Variants in PIGF observed in about 807,000 individuals in gnomAD.
PIGF encodes phosphatidylinositol glycan anchor biosynthesis class F, also known as GPI ethanolamine phosphate transferase, stabilizing subunit.
PIGF carries 23 observed loss-of-function variants against 26.0 expected under a neutral mutation model. That is an observed-to-expected ratio of 0.88 (90% CI 0.64 to 1.25). The LOEUF (loss-of-function observed/expected upper bound fraction) is 1.25. Among genes scored for constraint, PIGF ranks in the 50% most tolerant of loss-of-function variants. The pLI, the probability that PIGF is intolerant of heterozygous loss-of-function variation, is 0.00. For missense variants in PIGF, 278 were observed against 249.9 expected, an observed-to-expected ratio of 1.11 and a Z score of -0.76; for synonymous variants, 93 against 92.6, an observed-to-expected ratio of 1.00 and a Z score of -0.03.
At chr2:46,609,788 C>T (rs1670348185) in intron 4 of PIGF, among the ~76,000 whole-genome samples, 1 of 152,090 alleles carries the variant, frequency 6.6e-6, no homozygotes, top group African/African-American at 2.4e-5. Flanking sequence ...AGATCGTCAT[C>T]TTATATGGGT....
intron 4 of PIGF, among the ~76,000 whole-genome samples, chr2:46,610,943 T>A (rs1356754076): frequency 6.6e-6 from 1 of 152,230 alleles, no homozygotes; most frequent in African/African-American, 2.4e-5. Context: ...AAAAATACCC[T>A]GTTCATTTCA....
At position 46,581,442 on chromosome 2, in the gene PIGF, A is replaced by G; in HGVS notation, c.*36T>C. ...ATACACATTTCTGCCCAGCCCTTAC[A>G]GAATCTGCACAAAGAAATATCTCCC... is the stretch of plus-strand genomic sequence containing the variant. On this transcript the variant is annotated 3_prime_UTR_variant, in exon 6 of 6. Transcript: ENST00000281382. 1.9e-6 allele frequency: 3 copies of G among 1,599,196 alleles called. No homozygotes were observed. The highest frequency in any genetic ancestry group is 1.1e-5 in the South Asian group (1 of 89,406).
At chr2:46,607,862 T>G (rs1315149973) in intron 4 of PIGF, among the ~76,000 whole-genome samples, 2 of 152,096 alleles carry the variant, frequency 1.3e-5, no homozygotes, top group Admixed American at 6.6e-5. Flanking sequence ...GCCCAGCTAA[T>G]TTTTCTTGTA....
chr2:46,613,811 G>C, intron 2 of PIGF, 26 bp from the exon 3 acceptor site: 4 of 1,504,134 alleles, frequency 2.7e-6, no homozygotes, highest in Non-Finnish European at 3.6e-6. Flanking sequence ...ATAACCTGAA[G>C]ATTCAAGATA....
At chr2:46,597,245 C>A (rs552819089) in intron 4 of PIGF, among the ~76,000 whole-genome samples, 1 of 149,018 alleles carries the variant, frequency 6.7e-6, no homozygotes, top group Admixed American at 6.6e-5. Flanking sequence ...TTTTTAAGCA[C>A]CTCTTTCAAT....
At chr2:46,593,716 T>C (rs906245857) in intron 4 of PIGF, among the ~76,000 whole-genome samples, 1 of 152,202 alleles carries the variant, frequency 6.6e-6, no homozygotes, top group East Asian at 1.9e-4. Flanking sequence ...ATGCACTAAG[T>C]GGGGTCCAAA....
rs757950528 is a variant in PIGF at position 46,581,562 on chromosome 2, C to T, written c.576G>A (p.Ala192=). The change falls in exon 6 of 6, where the codon GCG becomes GCA. Residue 192 remains alanine (A), a synonymous_variant. Coordinates refer to ENST00000281382, the MANE Select transcript of PIGF (RefSeq NM_002643.4). ...QVWPISCTLG[A]TFGYVAGLVI... ...CAAGGCCAGCCACGTAGCCAAAGGT[C>T]GCTCCAAGCGTACAGGAGATGGGCC... 28 of 1,611,362 alleles carry T rather than the reference C, an allele frequency of 1.7e-5. No individual in the cohort carries two copies. The highest frequency in any genetic ancestry group is 1.1e-4 in the East Asian group (5 of 44,868).
chr2:46,600,603 A>G (rs895172863), intron 4 of PIGF, among the ~76,000 whole-genome samples: 1 of 152,146 alleles, frequency 6.6e-6, no homozygotes, highest in Non-Finnish European at 1.5e-5. Context: ...GGAAAACTCA[A>G]GGAAGAGAAA....
intron 4 of PIGF, among the ~76,000 whole-genome samples, chr2:46,607,706 T>C (rs1044904189): frequency 4.6e-5 from 7 of 152,052 alleles, no homozygotes; most frequent in Non-Finnish European, 1.0e-4. Context: ...TTTTCTTTTT[T>C]TTTTTTAAGA....
Position 46,588,017 on chromosome 2 carries a change from G to C in PIGF, c.546+4458C>G. 7.0e-7 allele frequency: 1 copy of C among 1,430,022 alleles called. No individual in the cohort carries two copies. Among genetic ancestry groups the C allele is most frequent in the Non-Finnish European group, 9.3e-7 (1 of 1,077,800 alleles). 88.6% of individuals were successfully genotyped at this position (1,430,022 alleles called of 1,614,324 possible). On this transcript the variant is annotated intron_variant, in intron 5 of 5. Transcript: ENST00000281382. The surrounding 1 kb of genome is among the most constrained non-coding windows in gnomAD (Gnocchi z 4.1). ...ACCTGAGTAATGCTAAGCAAGATGTGTACTCCTCCCCTCTCACACTTGGAC... is the reference window on the plus strand; with the variant it reads ...ACCTGAGTAATGCTAAGCAAGATGTCTACTCCTCCCCTCTCACACTTGGAC...
chr2:46,592,216 A>G (rs1315472937), intron 5 of PIGF, among the ~76,000 whole-genome samples: 1 of 152,066 alleles, frequency 6.6e-6, no homozygotes, highest in Non-Finnish European at 1.5e-5. Context: ...CCGCCTATAT[A>G]CAATCACAAA....
intron 5 of PIGF, among the ~76,000 whole-genome samples, chr2:46,590,044 C>G (rs147993649): frequency 6.6e-6 from 1 of 152,170 alleles, no homozygotes; most frequent in East Asian, 1.9e-4. Flanking sequence ...GGGTCATTAA[C>G]TTGGAATATT....
At chr2:46,613,594 G>T in intron 3 of PIGF, 100 bp downstream of exon 3, 1 of 775,204 alleles carries the variant, frequency 1.3e-6, no homozygotes, top group Non-Finnish European at 2.0e-6. Flanking sequence ...ATCTATTAAT[G>T]ATGCACATCA....
intron 4 of PIGF, among the ~76,000 whole-genome samples, chr2:46,595,374 G>A (rs1490225147): frequency 6.6e-6 from 1 of 152,092 alleles, no homozygotes; most frequent in Non-Finnish European, 1.5e-5. Flanking sequence ...TGTATGACTG[G>A]CTTCTTTTTC....
chr2:46,604,850 TAA>T (rs979178141), intron 4 of PIGF, among the ~76,000 whole-genome samples: 1 of 152,046 alleles, frequency 6.6e-6, no homozygotes, highest in African/African-American at 2.4e-5. Context: ...TAAAAATAAC[TAA>T]GAGTATAATT....
Position 46,607,494 on chromosome 2 carries a change from C to T in PIGF, c.437+4734G>A, listed in dbSNP as rs186184581. On this transcript the variant is annotated intron_variant, in intron 4 of 5. Transcript: ENST00000281382. Reference sequence around the variant, plus strand: ...CCCAGTGCATATAAAAGTTATATTTCTACTGTATCATAGTCTATTAAGTGG... The same window carrying T: ...CCCAGTGCATATAAAAGTTATATTTTTACTGTATCATAGTCTATTAAGTGG... Among the ~76,000 whole-genome samples the T allele has an allele frequency of 1.1e-4, 17 of 152,242 alleles. No individual in the cohort carries two copies. The East Asian group carries it at 2.5e-3, about 22-fold the overall frequency.
At position 46,616,994 on chromosome 2, in the gene PIGF, A is replaced by C. The variant is rs1392993438; in HGVS notation, c.-46T>G. The C allele has an allele frequency of 1.8e-6, 1 of 548,430 alleles. No homozygotes were observed. The highest frequency in any genetic ancestry group is 3.2e-6 in the Non-Finnish European group (1 of 308,206). 34.0% of individuals were successfully genotyped at this position (548,430 alleles called of 1,614,324 possible). The stretch of plus-strand genomic sequence containing the variant: ...CCTAACTCTCCCTCCCGCGGAAGGG[A>C]AGCGGGGAACTACTGCCTCCTACCA... On this transcript the variant is annotated 5_prime_UTR_variant, in exon 1 of 6. Coordinates refer to ENST00000281382, the MANE Select transcript of PIGF (RefSeq NM_002643.4).
At position 46,598,529 on chromosome 2, in the gene PIGF, A is replaced by ATTTTTTTTT. The variant is rs747263045; in HGVS notation, c.438-5955_438-5947dup. Among the ~76,000 whole-genome samples the ATTTTTTTTT allele has an allele frequency of 1.6e-4, 17 of 103,510 alleles. 3 individuals are homozygous for ATTTTTTTTT. Among genetic ancestry groups the ATTTTTTTTT allele is most frequent in the African/African-American group, 7.1e-4 (16 of 22,402 alleles). The allele number at this position is 103,510 out of a possible 152,430, so 67.9% of individuals were successfully genotyped here. A position where few individuals can be genotyped will look rare whatever the true frequency, so the allele number is the denominator to read the frequency against. ...ATAAACTTTCTTAAAACATTATGAG[A>ATTTTTTTTT]TTTTTTTTTTTTTTTTTTTTTTTTA... On this transcript the variant is annotated intron_variant, in intron 4 of 5. Transcript: ENST00000281382.
intron 4 of PIGF, among the ~76,000 whole-genome samples, chr2:46,607,333 C>A (rs181971527): frequency 6.6e-6 from 1 of 152,082 alleles, no homozygotes; most frequent in South Asian, 2.1e-4. Flanking sequence ...CCAAGGAAAC[C>A]TTTTCCAAGG....
Sources: gnomAD v4.1 joint callset for allele counts (sites outside exome capture counted in the v4.1 genomes callset) on GRCh38, gnomAD v4.1.1 for gene constraint, Gnocchi (gnomAD v3.1) non-coding constraint, MANE v1.5 for transcripts, NCBI Gene and HGNC (gene_info 2026-07-23, HGNC 2026-07-21) for gene names.